The following TRMT11 variants were observed in gnomAD, a reference collection of about 807,000 sequenced individuals.
TRMT11 encodes the protein tRNA (guanine(10)-N(2))-methyltransferase TRMT11.
A neutral mutation model predicts 62.8 loss-of-function variants in TRMT11; 53 were observed. The ratio of observed to expected loss-of-function variants is 0.84; its 90% CI spans 0.68 to 1.06. The LOEUF is 1.06. Ranked by LOEUF, TRMT11 falls within the 50% of genes least tolerant of loss-of-function variation. The pLI is 0.00. For synonymous variants in TRMT11, 188 were observed against 190.3 expected, an observed-to-expected ratio of 0.99 and a Z score of 0.10; for missense variants, 556 against 553.4, an observed-to-expected ratio of 1.00 and a Z score of -0.05.
chr6:126,054,216 GC>G (rs897574614), intron 17 of TRMT11, among the ~76,000 whole-genome samples: 5 of 152,300 alleles, frequency 3.3e-5, no homozygotes, highest in African/African-American at 1.2e-4. Context: ...GACAAAGGGT[GC>G]CTGTAAAGAG....
At chr6:126,005,597 G>A (rs1237092952) in intron 7 of TRMT11, among the ~76,000 whole-genome samples, 3 of 152,054 alleles carry the variant, frequency 2.0e-5, no homozygotes, top group South Asian at 2.1e-4. Flanking sequence ...AAAGATGTTA[G>A]ATGTAGCTAA....
chr6:126,215,241 T>C, the TRMT11 span, among the ~76,000 whole-genome samples: 2 of 152,098 alleles, frequency 1.3e-5, no homozygotes, highest in African/African-American at 4.8e-5. Flanking sequence ...ATGTTCTTTG[T>C]TGATTTTCTG....
rs367566997 is a variant in TRMT11 at position 125,995,926 on chromosome 6, T to C, written c.139-41T>C. ...TTGAATAAAAGCATATGAGGCCATG[T>C]AGCCACTTAGAATTAAGTTGCATAT... On this transcript the variant is annotated intron_variant, in intron 2 of 12. Coordinates refer to ENST00000334379, the MANE Select transcript of TRMT11 (RefSeq NM_001031712.3). 4.0e-6 allele frequency: 5 copies of C among 1,238,146 alleles called. No individual in the cohort carries two copies. The African/African-American group carries it at 5.9e-5, about 15-fold the overall frequency. The allele number at this position is 1,238,146 out of a possible 1,614,324, so 76.7% of individuals were successfully genotyped here. A position where few individuals can be genotyped will look rare whatever the true frequency, so the allele number is the denominator to read the frequency against.
chr6:126,056,330 G>A (rs951265946), intron 17 of TRMT11, among the ~76,000 whole-genome samples: 1 of 152,182 alleles, frequency 6.6e-6, no homozygotes, highest in Non-Finnish European at 1.5e-5. Flanking sequence ...TGTTCAAGAT[G>A]TTGCCCAAGA....
intron 17 of TRMT11, among the ~76,000 whole-genome samples, chr6:126,087,869 G>A (rs1429427635): frequency 1.3e-5 from 2 of 152,112 alleles, no homozygotes; most frequent in African/African-American, 2.4e-5. Context: ...CAAGCTTCCA[G>A]CTTCCCCAGA....
At chr6:126,232,704 C>T in the TRMT11 span, among the ~76,000 whole-genome samples, 10 of 152,274 alleles carry the variant, frequency 6.6e-5, no homozygotes, top group South Asian at 8.3e-4. Flanking sequence ...GTTTTGTGGG[C>T]TCTCACCTTG....
At chr6:126,253,649 C>A in the TRMT11 span, among the ~76,000 whole-genome samples, 7 of 152,280 alleles carry the variant, frequency 4.6e-5, no homozygotes, top group Admixed American at 4.6e-4. Flanking sequence ...CTCCATTATA[C>A]CCTTACAGGA....
chr6:125,999,660 A>G (rs756765240), intron 7 of TRMT11, 47 bp downstream of exon 7: 54 of 1,499,600 alleles, frequency 3.6e-5, no homozygotes, highest in African/African-American at 4.2e-5. Context: ...TTGCTTATTT[A>G]TATTAATGAA....
intron 17 of TRMT11, among the ~76,000 whole-genome samples, chr6:126,094,387 C>A (rs151087054): frequency 0.014 from 2,101 of 152,262 alleles, 47 homozygotes; most frequent in African/African-American, 0.048. Flanking sequence ...TGTCACATGG[C>A]ACCATCATAC....
chr6:126,063,213 T>C (rs1166517626), intron 17 of TRMT11, among the ~76,000 whole-genome samples: 2 of 152,226 alleles, frequency 1.3e-5, no homozygotes, highest in African/African-American at 4.8e-5. Flanking sequence ...GATTATCAAA[T>C]ACATTTTGCT....
the TRMT11 span, among the ~76,000 whole-genome samples, chr6:126,252,820 G>T: frequency 6.6e-6 from 1 of 152,082 alleles, no homozygotes; most frequent in Admixed American, 6.5e-5. Flanking sequence ...GAACTTTTCC[G>T]GAATAACGAA....
chr6:126,025,006 T>C (rs1183134684), intron 12 of TRMT11, among the ~76,000 whole-genome samples: 1 of 152,182 alleles, frequency 6.6e-6, no homozygotes, highest in African/African-American at 2.4e-5. Context: ...AGTCGTGATA[T>C]TAGAAAGTAA....
At chr6:126,171,345 C>G (rs1003692930) in intron 21 of TRMT11, among the ~76,000 whole-genome samples, 1 of 151,342 alleles carries the variant, frequency 6.6e-6, no homozygotes, top group African/African-American at 2.4e-5. Flanking sequence ...GATAGATAGA[C>G]ATTGTATCCT....
chr6:126,194,630 C>T (rs568640021), intron 1 of TRMT11, among the ~76,000 whole-genome samples: 2 of 152,264 alleles, frequency 1.3e-5, no homozygotes, highest in African/African-American at 2.4e-5. Context: ...TTCCAAATAT[C>T]GGTGGGGGCA....
At chr6:126,063,058 A>G (rs1306863211) in intron 17 of TRMT11, among the ~76,000 whole-genome samples, 1 of 152,186 alleles carries the variant, frequency 6.6e-6, no homozygotes, top group Non-Finnish European at 1.5e-5. Context: ...GGTATATATC[A>G]TGTGATCACA....
the TRMT11 span, among the ~76,000 whole-genome samples, chr6:126,229,001 G>T: frequency 6.6e-6 from 1 of 152,144 alleles, no homozygotes; most frequent in East Asian, 1.9e-4. Flanking sequence ...AAGATATGTG[G>T]CTCCAAAAGG....
the TRMT11 span, among the ~76,000 whole-genome samples, chr6:126,211,843 C>T: frequency 8.6e-5 from 13 of 151,728 alleles, no homozygotes; most frequent in African/African-American, 2.9e-4. Flanking sequence ...TTACAGTTTC[C>T]CTGTTGTGCT....
At chr6:126,126,508 C>G (rs1049178791) in intron 21 of TRMT11, among the ~76,000 whole-genome samples, 5 of 152,062 alleles carry the variant, frequency 3.3e-5, no homozygotes, top group Admixed American at 6.6e-5. Flanking sequence ...GGTCTACAGC[C>G]TCCTCTGAAT....
At chr6:126,121,449 C>T (rs1777648579) in intron 21 of TRMT11, among the ~76,000 whole-genome samples, 1 of 152,054 alleles carries the variant, frequency 6.6e-6, no homozygotes, top group Non-Finnish European at 1.5e-5. Context: ...GGTGCTCTAC[C>T]ATGGTTTATT....
Sources: allele counts gnomAD v4.1 joint callset (sites outside exome capture counted in the v4.1 genomes callset), GRCh38; gene constraint gnomAD v4.1.1; transcripts MANE v1.5; gene names NCBI Gene and HGNC (gene_info 2026-07-23, HGNC 2026-07-21).